Variants in PPP1R9A observed in about 807,000 individuals in gnomAD.
PPP1R9A encodes the protein neurabin-1.
Under a neutral mutation model 141.9 loss-of-function variants are expected in PPP1R9A, and 59 were observed. That is an observed-to-expected ratio of 0.42 (90% CI 0.34 to 0.52). The LOEUF is 0.52. PPP1R9A is among the 20% of genes least tolerant of loss of function. The probability of loss-of-function intolerance (pLI) is 0.10; values close to 1 mark genes in which losing one functional copy is unlikely to be tolerated. For synonymous variants in PPP1R9A, 500 were observed against 569.7 expected (o/e 0.88, Z 1.74); for missense variants, 1,444 against 1,611.9 (o/e 0.90, Z 1.78).
chr7:94,959,104 A>T (rs1024587213), intron 2 of PPP1R9A, among the ~76,000 whole-genome samples: 2 of 151,978 alleles, frequency 1.3e-5, no homozygotes, highest in African/African-American at 4.8e-5. Context: ...ATGTTGCAAG[A>T]TTAGTATTTC....
At chr7:94,969,849 G>T (rs769779825) in intron 2 of PPP1R9A, among the ~76,000 whole-genome samples, 1 of 152,190 alleles carries the variant, frequency 6.6e-6, no homozygotes, top group Non-Finnish European at 1.5e-5. Context: ...CCTGCCCAGA[G>T]AGGAGGAATG....
intron 4 of PPP1R9A, among the ~76,000 whole-genome samples, chr7:95,153,808 C>G (rs1829131713): frequency 6.6e-6 from 1 of 152,170 alleles, no homozygotes; most frequent in African/African-American, 2.4e-5. Context: ...CTGAGTCAAT[C>G]TCATTACTTA....
At chr7:94,980,667 G>A (rs1800001696) in intron 2 of PPP1R9A, among the ~76,000 whole-genome samples, 1 of 150,894 alleles carries the variant, frequency 6.6e-6, no homozygotes, top group African/African-American at 2.4e-5. Flanking sequence ...CCCTTACTGA[G>A]TCATAACTTG....
At chr7:94,985,271 A>G (rs1015604076) in intron 2 of PPP1R9A, among the ~76,000 whole-genome samples, 4 of 152,266 alleles carry the variant, frequency 2.6e-5, no homozygotes, top group African/African-American at 7.2e-5. Context: ...AATAAGTGCA[A>G]TGTGATGCTG....
intron 2 of PPP1R9A, among the ~76,000 whole-genome samples, chr7:95,070,968 G>A (rs1302153085): frequency 1.3e-5 from 2 of 151,846 alleles, no homozygotes; most frequent in African/African-American, 4.8e-5. Flanking sequence ...AAAAATTGAG[G>A]AATATTTTTT....
intron 4 of PPP1R9A, among the ~76,000 whole-genome samples, chr7:95,144,361 T>G (rs1429107790): frequency 6.6e-6 from 1 of 152,192 alleles, no homozygotes. Context: ...CATGTGTGCG[T>G]GTGTAAAATC....
chr7:94,933,554 A>G (rs1440658409), intron 2 of PPP1R9A, among the ~76,000 whole-genome samples: 1 of 152,196 alleles, frequency 6.6e-6, no homozygotes, highest in East Asian at 1.9e-4. Flanking sequence ...AGTGCTAAGG[A>G]CGAATGGCAT....
chr7:94,968,969 G>A (rs1261044512), intron 2 of PPP1R9A, among the ~76,000 whole-genome samples: 1 of 151,908 alleles, frequency 6.6e-6, no homozygotes, highest in Non-Finnish European at 1.5e-5. Flanking sequence ...CGAAGTTCTC[G>A]TGCTGTGTTT....
chr7:95,176,328 C>A (rs1489503344), intron 5 of PPP1R9A, among the ~76,000 whole-genome samples: 1 of 152,010 alleles, frequency 6.6e-6, no homozygotes, highest in Non-Finnish European at 1.5e-5. Context: ...CAAGGGAGCA[C>A]CCATGGCACA....
intron 8 of PPP1R9A, among the ~76,000 whole-genome samples, chr7:95,238,970 G>A (rs1797082981): frequency 6.6e-6 from 1 of 151,826 alleles, no homozygotes; most frequent in South Asian, 2.1e-4. Context: ...GAACAATTGG[G>A]GAAACTTTTT....
chr7:95,120,635 G>A, intron 3 of PPP1R9A, 77 bp from the exon 4 acceptor site: 1 of 1,461,886 alleles, frequency 6.8e-7, no homozygotes, highest in Non-Finnish European at 9.3e-7. Context: ...GAAACAGCAA[G>A]TAGGTCTCAC....
intron 2 of PPP1R9A, among the ~76,000 whole-genome samples, chr7:94,992,897 C>T (rs961020214): frequency 8.6e-5 from 13 of 151,822 alleles, no homozygotes; most frequent in African/African-American, 2.7e-4. Context: ...TGTTGAAGTC[C>T]GCTTTAGCAA....
intron 5 of PPP1R9A, among the ~76,000 whole-genome samples, chr7:95,182,760 A>G (rs904894700): frequency 6.6e-6 from 1 of 152,206 alleles, no homozygotes; most frequent in Non-Finnish European, 1.5e-5. Context: ...CATGGATGTT[A>G]GATCTCCTTA....
At chr7:95,191,348 G>A (rs1303498101) in intron 5 of PPP1R9A, among the ~76,000 whole-genome samples, 2 of 152,136 alleles carry the variant, frequency 1.3e-5, no homozygotes. Context: ...AATTTTAATT[G>A]ACATAATGAT....
intron 2 of PPP1R9A, among the ~76,000 whole-genome samples, chr7:95,090,574 A>G (rs1221889388): frequency 1.3e-5 from 2 of 151,958 alleles, no homozygotes; most frequent in Non-Finnish European, 2.9e-5. Context: ...TTTGGAGGCC[A>G]AGGTAGGCAG....
intron 2 of PPP1R9A, among the ~76,000 whole-genome samples, chr7:95,102,900 T>TA (rs1271728163): frequency 6.6e-6 from 1 of 152,196 alleles, no homozygotes; most frequent in African/African-American, 2.4e-5. Context: ...AGTACCCAGA[T>TA]ATGTGGGTAA....
intron 4 of PPP1R9A, among the ~76,000 whole-genome samples, chr7:95,125,617 A>T (rs1223069481): frequency 6.6e-6 from 1 of 152,182 alleles, no homozygotes; most frequent in Non-Finnish European, 1.5e-5. Flanking sequence ...CTGACAAAGG[A>T]TGTTAATAAT....
At chr7:95,273,770 A>AG (rs1802631223) in intron 14 of PPP1R9A, 129 bp from the exon 15 acceptor site, 3 of 875,700 alleles carry the variant, frequency 3.4e-6, no homozygotes, top group Non-Finnish European at 5.2e-6. Context: ...TCGTATAAGA[A>AG]GGCATTGATT....
intron 2 of PPP1R9A, among the ~76,000 whole-genome samples, chr7:94,959,184 AC>A (rs1289048981): frequency 1.3e-5 from 2 of 151,918 alleles, no homozygotes; most frequent in African/African-American, 4.8e-5. Flanking sequence ...TTTAATAACT[AC>A]CTATAGTTGG....
Sources: allele counts gnomAD v4.1 joint callset (sites outside exome capture counted in the v4.1 genomes callset), GRCh38; gene constraint gnomAD v4.1.1; transcripts MANE v1.5; gene names NCBI Gene and HGNC (gene_info 2026-07-23, HGNC 2026-07-21).